Variants in VTI1A observed in about 807,000 individuals in gnomAD.
The protein encoded by VTI1A is vesicle transport through interaction with t-SNAREs homolog 1A.
Under a neutral mutation model 34.9 loss-of-function variants are expected in VTI1A, and 22 were observed. The observed-to-expected ratio is 0.63, with a 90% confidence interval of 0.45 to 0.90. The LOEUF (loss-of-function observed/expected upper bound fraction) is 0.90. VTI1A is among the 40% of genes least tolerant of loss of function. The probability of loss-of-function intolerance (pLI) is 0.00; values close to 1 mark genes in which losing one functional copy is unlikely to be tolerated. For synonymous variants in VTI1A, 87 were observed against 97.3 expected (o/e 0.89, Z 0.62); for missense variants, 268 against 275.6 (o/e 0.97, Z 0.20).
At chr10:112,801,574 C>T (rs540448933) in intron 7 of VTI1A, among the ~76,000 whole-genome samples, 46 of 152,258 alleles carry the variant, frequency 3.0e-4, no homozygotes, top group Non-Finnish European at 5.4e-4. Context: ...GTCTAGAACT[C>T]TATTCCAACA....
chr10:112,838,047 A>C, the VTI1A span, among the ~76,000 whole-genome samples: 1 of 152,196 alleles, frequency 6.6e-6, no homozygotes, highest in African/African-American at 2.4e-5. Flanking sequence ...AAGTCATGGC[A>C]CTATTCAGGA....
intron 5 of VTI1A, among the ~76,000 whole-genome samples, chr10:112,559,554 A>G (rs899422986): frequency 2.6e-5 from 4 of 152,158 alleles, no homozygotes; most frequent in African/African-American, 7.2e-5. Context: ...ATGCAACAAC[A>G]GAAAGGAGGC....
At chr10:112,497,786 G>A (rs756437602) in intron 3 of VTI1A, among the ~76,000 whole-genome samples, 4 of 152,156 alleles carry the variant, frequency 2.6e-5, no homozygotes, top group South Asian at 2.1e-4. Context: ...TTACTTTACC[G>A]TTATTGTATT....
At chr10:112,841,778 G>C in the VTI1A span, among the ~76,000 whole-genome samples, 2 of 152,142 alleles carry the variant, frequency 1.3e-5, no homozygotes, top group Non-Finnish European at 2.9e-5. Flanking sequence ...CAGCATCCCC[G>C]GTGGCATCCA....
At chr10:112,546,085 C>T (rs575325647) in intron 5 of VTI1A, among the ~76,000 whole-genome samples, 2 of 148,610 alleles carry the variant, frequency 1.3e-5, no homozygotes, top group Non-Finnish European at 3.0e-5. Context: ...TACGTGTATA[C>T]GCGTATGTGT....
chr10:112,677,233 G>A (rs1215396019), intron 7 of VTI1A, among the ~76,000 whole-genome samples: 2 of 152,084 alleles, frequency 1.3e-5, no homozygotes, highest in African/African-American at 4.8e-5. Context: ...AACAACAGAT[G>A]TTACCTTTGG....
In VTI1A at chr10:112,590,305, TATAG is replaced by T. The variant is rs143796703; in HGVS notation, c.427+51989_427+51992del. Among the ~76,000 whole-genome samples the T allele has an allele frequency of 9.1e-3, 1,387 of 152,244 alleles. 8 individuals carry two copies. Among genetic ancestry groups the T allele is most frequent in the Middle Eastern group, 0.017 (5 of 294 alleles). ...GGAGTATTGGTTGTATGGATGAATG[TATAG>T]ATAGATAGATAGACAGACAGACAGA... On this transcript the variant is annotated intron_variant, in intron 5 of 7. Transcript: ENST00000393077.
At chr10:112,538,041 C>T (rs1010268459) in intron 4 of VTI1A, among the ~76,000 whole-genome samples, 1 of 150,372 alleles carries the variant, frequency 6.7e-6, no homozygotes, top group Non-Finnish European at 1.5e-5. Flanking sequence ...TTTAAAAACA[C>T]GAAGTGGATG....
chr10:112,750,149 G>A (rs1851050596), intron 7 of VTI1A, among the ~76,000 whole-genome samples: 1 of 152,044 alleles, frequency 6.6e-6, no homozygotes, highest in Admixed American at 6.5e-5. Flanking sequence ...ATTGTCTTTG[G>A]GGAGAAACAA....
At chr10:112,726,377 A>G (rs1335794365) in intron 7 of VTI1A, among the ~76,000 whole-genome samples, 4 of 152,126 alleles carry the variant, frequency 2.6e-5, no homozygotes, top group African/African-American at 9.7e-5. Context: ...TTATTTCTTG[A>G]AGGGAGTCAA....
chr10:112,842,062 T>TCC, the VTI1A span, among the ~76,000 whole-genome samples: 5 of 131,340 alleles, frequency 3.8e-5, no homozygotes, highest in African/African-American at 1.5e-4. Flanking sequence ...TTTTTTTTTT[T>TCC]TTTTTTTTTT....
intron 5 of VTI1A, among the ~76,000 whole-genome samples, chr10:112,621,174 A>G (rs576142172): frequency 6.6e-6 from 1 of 152,302 alleles, no homozygotes; most frequent in East Asian, 1.9e-4. Flanking sequence ...GTTGTTTCCT[A>G]AAGTGTGTTT....
chr10:112,762,114 G>A (rs887590410), intron 7 of VTI1A, among the ~76,000 whole-genome samples: 1 of 152,022 alleles, frequency 6.6e-6, no homozygotes, highest in African/African-American at 2.4e-5. Flanking sequence ...TTTGTTGCTG[G>A]GTAAATATGT....
the VTI1A span, among the ~76,000 whole-genome samples, chr10:112,842,050 C>CTTTTTTTTTTTTT: frequency 6.1e-4 from 57 of 93,136 alleles, no homozygotes; most frequent in Non-Finnish European, 7.9e-4. Flanking sequence ...TTTTTTTTTT[C>CTTTTTTTTTTTTT]CTTTTTTTTT....
At position 112,542,908 on chromosome 10, in the gene VTI1A, A is replaced by G. The variant is rs930881921; in HGVS notation, c.427+4578A>G. ...TGTTCTCATTGTTCAATTCCCACCTATGAGTGAGAACATGCAGTGTTTGGT... is the reference window on the plus strand; with the variant it reads ...TGTTCTCATTGTTCAATTCCCACCTGTGAGTGAGAACATGCAGTGTTTGGT... On this transcript the variant is annotated intron_variant, in intron 5 of 7. Transcript: ENST00000393077. Among the ~76,000 whole-genome samples, 7 of 152,100 alleles carry G rather than the reference A, an allele frequency of 4.6e-5. No homozygotes were observed. In the East Asian group the frequency reaches 9.7e-4, roughly 21 times the overall value.
chr10:112,815,959 C>T lies in VTI1A; in HGVS notation c.*576C>T, dbSNP rs897303416. ...TCGGTTGTACAGGAAATTGACTTAG[C>T]ACTTTCCCTGTTTTTCTATTGCATA... On this transcript the variant is annotated 3_prime_UTR_variant, in exon 8 of 8. Transcript: ENST00000393077. 1 of 229,700 alleles carries T rather than the reference C, an allele frequency of 4.4e-6. No homozygotes were observed. The highest frequency in any genetic ancestry group is 8.6e-6 in the Non-Finnish European group (1 of 116,010). The allele number at this position is 229,700 out of a possible 1,614,324, so 14.2% of individuals were successfully genotyped here.
intron 7 of VTI1A, among the ~76,000 whole-genome samples, chr10:112,703,286 G>A (rs552692910): frequency 6.6e-6 from 1 of 151,984 alleles, no homozygotes; most frequent in Admixed American, 6.6e-5. Context: ...AATATTTCTG[G>A]GCCAGGCGCA....
chr10:112,520,647 G>GTATATATATA (rs35437904), intron 3 of VTI1A, among the ~76,000 whole-genome samples: 7 of 128,996 alleles, frequency 5.4e-5, no homozygotes, highest in African/African-American at 2.0e-4. Flanking sequence ...GTGTGTGTGT[G>GTATATATATA]TATATATATA....
chr10:112,640,301 C>T (rs527773434), intron 5 of VTI1A, among the ~76,000 whole-genome samples: 1 of 152,180 alleles, frequency 6.6e-6, no homozygotes, highest in South Asian at 2.1e-4. Context: ...AGCATAAAGT[C>T]CCACTGTTCT....
Sources: gnomAD v4.1 joint callset for allele counts (sites outside exome capture counted in the v4.1 genomes callset) on GRCh38, gnomAD v4.1.1 for gene constraint, MANE v1.5 for transcripts, NCBI Gene and HGNC (gene_info 2026-07-23, HGNC 2026-07-21) for gene names.